The following CREM variants were observed in gnomAD, a reference collection of about 807,000 sequenced individuals.
CREM encodes cAMP responsive element modulator.
In CREM, 13 loss-of-function variants were observed where a neutral mutation model predicts 37.3. The ratio of observed to expected loss-of-function variants is 0.35; its 90% CI spans 0.23 to 0.55. The LOEUF is 0.55. CREM is among the 20% of genes least tolerant of loss of function. The pLI, the probability that CREM is intolerant of heterozygous loss-of-function variation, is 0.88. For synonymous variants in CREM, 124 were observed against 120.2 expected (o/e 1.03, Z -0.21); for missense variants, 296 against 362.3 (o/e 0.82, Z 1.49).
rs529572578 is a variant in CREM, at chr10:35,164,081, ATATTT to A, written c.169-14805_169-14801del. On this transcript the variant is annotated intron_variant, in intron 3 of 7. Coordinates refer to ENST00000685392, the MANE Select transcript of CREM (RefSeq NM_183011.2). ...TAGTGTTGAAGGTATTTTTCATACT[ATATTT>A]TAATACTAGATTAAAGTTGATACTA... Among the ~76,000 whole-genome samples, 100 of 152,292 alleles carry A rather than the reference ATATTT, an allele frequency of 6.6e-4. 1 individual carries two copies. Among genetic ancestry groups the A allele is most frequent in the Middle Eastern group, 6.8e-3 (2 of 294 alleles).
At chr10:35,198,331 T>C (rs2095277254) in intron 6 of CREM, among the ~76,000 whole-genome samples, 1 of 152,072 alleles carries the variant, frequency 6.6e-6, no homozygotes, top group African/African-American at 2.4e-5. Flanking sequence ...AAGACCAGCC[T>C]GGCCAACATG....
At chr10:35,137,634 G>T in intron 1 of CREM, 148 bp from the exon 2 acceptor site, 2 of 316,614 alleles carry the variant, frequency 6.3e-6, no homozygotes, top group Non-Finnish European at 1.1e-5. Flanking sequence ...TGGTGGGGGG[G>T]AGTTATTTTT....
chr10:35,187,394 G>A (rs2094695865), intron 5 of CREM, among the ~76,000 whole-genome samples: 1 of 148,454 alleles, frequency 6.7e-6, no homozygotes, highest in Non-Finnish European at 1.5e-5. Flanking sequence ...CGAGTAACTG[G>A]GACTACAGAC....
At chr10:35,136,914 G>A (rs182678026) in intron 1 of CREM, among the ~76,000 whole-genome samples, 181 of 150,758 alleles carry the variant, frequency 1.2e-3, no homozygotes, top group African/African-American at 3.6e-3. Context: ...TCAACTTTCC[G>A]CGCTCAAGTG....
At chr10:35,203,469 A>G (rs1434705709) in intron 6 of CREM, among the ~76,000 whole-genome samples, 1 of 152,044 alleles carries the variant, frequency 6.6e-6, no homozygotes, top group Non-Finnish European at 1.5e-5. Flanking sequence ...TGAGGCAGGT[A>G]GATCACGAGG....
chr10:35,192,326 G>A (rs1715870721), intron 6 of CREM, among the ~76,000 whole-genome samples: 1 of 152,098 alleles, frequency 6.6e-6, no homozygotes, highest in Non-Finnish European at 1.5e-5. Context: ...CTCCATTACT[G>A]CATTGCACTT....
intron 2 of CREM, among the ~76,000 whole-genome samples, chr10:35,145,605 A>C (rs76237086): frequency 6.6e-6 from 1 of 151,976 alleles, no homozygotes; most frequent in Non-Finnish European, 1.5e-5. Context: ...ACATGGCGAA[A>C]CCCCGTCTCT....
intron 3 of CREM, 150 bp downstream of exon 3, chr10:35,148,641 G>A: frequency 1.2e-6 from 1 of 833,476 alleles, no homozygotes; most frequent in Non-Finnish European, 1.8e-6. Flanking sequence ...AAAGATACGT[G>A]TTGTAATTAG....
At chr10:35,202,598 T>G (rs577056125) in intron 6 of CREM, among the ~76,000 whole-genome samples, 9 of 152,308 alleles carry the variant, frequency 5.9e-5, no homozygotes, top group African/African-American at 1.9e-4. Context: ...CTAATAAGAT[T>G]ATATTTGAGT....
At chr10:35,195,736 T>C (rs892998993) in intron 6 of CREM, 1 of 388,650 alleles carries the variant, frequency 2.6e-6, no homozygotes, top group Non-Finnish European at 4.7e-6. Flanking sequence ...TTTCCTCCTG[T>C]ATTTAAAATG....
chr10:35,148,416 A>G lies in CREM; in HGVS notation c.93A>G (p.Thr31=). 1 of 1,613,798 alleles carries G rather than the reference A, an allele frequency of 6.2e-7. No individual in the cohort carries two copies. Among genetic ancestry groups the G allele is most frequent in the Non-Finnish European group, 8.5e-7 (1 of 1,179,820 alleles). ...AATCCCAGCATGATGGAAGTATAAC[A>G]GCTTCTTTGACAGAGAGCAAGTCTG... ...TVESQHDGSI[T]ASLTESKSAH... Residue 31 remains threonine (T), a synonymous_variant, in exon 3 of 8, where the codon ACA becomes ACG. Coordinates refer to ENST00000685392, the MANE Select transcript of CREM (RefSeq NM_183011.2).
intron 7 of CREM, 22 bp downstream of exon 7, chr10:35,207,073 C>T (rs368159171): frequency 1.3e-5 from 21 of 1,605,944 alleles, no homozygotes; most frequent in South Asian, 6.6e-5. Flanking sequence ...CACAGGGAAT[C>T]GGTAACTTCT....
intron 3 of CREM, chr10:35,154,084 C>T (rs1031903458): frequency 1.5e-5 from 6 of 398,402 alleles, no homozygotes; most frequent in Middle Eastern, 6.2e-4. Context: ...AGGAGTCCCT[C>T]GGAATAAAGC....
chr10:35,129,337 G>A (rs1345828792), intron 1 of CREM, among the ~76,000 whole-genome samples: 2 of 152,156 alleles, frequency 1.3e-5, no homozygotes, highest in Admixed American at 1.3e-4. Flanking sequence ...TTTAAACTCT[G>A]GAATCCATAG....
At position 35,184,674 on chromosome 10, in the gene CREM, C is replaced by T. The variant is rs1474244804; in HGVS notation, c.410-3526C>T. 3.3e-5 allele frequency among the ~76,000 whole-genome samples: 5 copies of T among 152,072 alleles called. No homozygotes were observed. The South Asian group carries it at 1.0e-3, about 32-fold the overall frequency. ...CCATATCTAATTATATAATGACTTC[C>T]CCAGAAAATAAAATGAGAAACAGAT... On this transcript the variant is annotated intron_variant, in intron 5 of 7. Coordinates refer to ENST00000685392, the MANE Select transcript of CREM (RefSeq NM_183011.2).
At chr10:35,188,917 G>A (rs928169060) in intron 6 of CREM, among the ~76,000 whole-genome samples, 2 of 152,082 alleles carry the variant, frequency 1.3e-5, no homozygotes, top group African/African-American at 4.8e-5. Flanking sequence ...GACCTCAGGT[G>A]GAGGCCTCAG....
At chr10:35,127,665 G>A (rs1396129799) in intron 1 of CREM, 1 of 152,328 alleles carries the variant, frequency 6.6e-6, no homozygotes, top group Admixed American at 6.5e-5. Context: ...CCCAAAACCT[G>A]GGCCGGAGGG....
intron 6 of CREM, chr10:35,196,135 T>G: frequency 6.2e-7 from 1 of 1,611,314 alleles, no homozygotes. Flanking sequence ...CGTCCCTGCA[T>G]GCGCCTGGTG....
chr10:35,136,365 T>C (rs992398741), intron 1 of CREM, among the ~76,000 whole-genome samples: 1 of 152,226 alleles, frequency 6.6e-6, no homozygotes, highest in Non-Finnish European at 1.5e-5. Context: ...CCCCAGTGTC[T>C]AGTATGAGGG....
Sources: gnomAD v4.1 joint callset for allele counts (sites outside exome capture counted in the v4.1 genomes callset) on GRCh38, gnomAD v4.1.1 for gene constraint, MANE v1.5 for transcripts, NCBI Gene and HGNC (gene_info 2026-07-23, HGNC 2026-07-21) for gene names.